Variants in PLA2G4E observed in about 807,000 individuals in gnomAD.
The protein encoded by PLA2G4E is phospholipase A2 group IVE.
Under a neutral mutation model 109.1 loss-of-function variants are expected in PLA2G4E, and 84 were observed. The ratio of observed to expected loss-of-function variants is 0.77; its 90% CI spans 0.65 to 0.92. PLA2G4E has a LOEUF of 0.92. PLA2G4E is among the 40% of genes least tolerant of loss of function. PLA2G4E has a pLI of 0.00. For missense variants in PLA2G4E, 1,057 were observed against 1,076.6 expected (o/e 0.98, Z 0.25); for synonymous variants, 469 against 436.1 (o/e 1.08, Z -0.94).
intron 1 of PLA2G4E, among the ~76,000 whole-genome samples, chr15:42,040,796 T>C (rs1468985389): frequency 6.6e-6 from 1 of 152,200 alleles, no homozygotes; most frequent in Non-Finnish European, 1.5e-5. Flanking sequence ...AAAAATAGTA[T>C]TGTTGCCTGG....
chr15:42,031,881 T>C (rs1205012804), intron 1 of PLA2G4E, among the ~76,000 whole-genome samples: 2 of 152,228 alleles, frequency 1.3e-5, no homozygotes, highest in Non-Finnish European at 2.9e-5. Flanking sequence ...TTTGGATGTT[T>C]GTCTCCTCCA....
At chr15:42,026,828 C>T (rs556138706) in intron 1 of PLA2G4E, among the ~76,000 whole-genome samples, 1 of 152,084 alleles carries the variant, frequency 6.6e-6, no homozygotes, top group Admixed American at 6.6e-5. Context: ...CAAAAATTAG[C>T]TGGGCGTGGT....
In PLA2G4E at chr15:42,048,679, G is replaced by A. The variant is rs77369050; in HGVS notation, c.183+1842C>T. ...CCGCATTGCTCCAACTTCATATGCC[G>A]CAGGCACTGTGCTAAACATGTTGTT... On this transcript the variant is annotated intron_variant, in intron 1 of 19. Transcript: ENST00000399518. Among the ~76,000 whole-genome samples the A allele has an allele frequency of 2.1e-4, 32 of 152,258 alleles. No homozygotes were observed. In the East Asian group the frequency reaches 5.6e-3, roughly 27 times the overall value.
exon 5 of PLA2G4E, chr15:42,004,944 T>C: frequency 6.2e-7 from 1 of 1,613,188 alleles, no homozygotes; most frequent in Non-Finnish European, 8.5e-7. Context: ...TCACCTCTCC[T>C]CCAGCAGGAA....
chr15:42,002,520 A>G, intron 6 of PLA2G4E, 134 bp downstream of exon 6: 1 of 1,008,148 alleles, frequency 9.9e-7, no homozygotes, highest in Non-Finnish European at 1.5e-6. Context: ...GGCCTCGTTT[A>G]GTCTAACTCC....
intron 1 of PLA2G4E, among the ~76,000 whole-genome samples, chr15:42,039,351 A>G (rs1052925151): frequency 1.2e-4 from 18 of 152,228 alleles, no homozygotes; most frequent in African/African-American, 4.1e-4. Flanking sequence ...AAATAATTGC[A>G]TATTTCTATG....
At chr15:42,019,884 A>G (rs1343421711) in intron 1 of PLA2G4E, among the ~76,000 whole-genome samples, 3 of 152,224 alleles carry the variant, frequency 2.0e-5, no homozygotes, top group Non-Finnish European at 4.4e-5. Flanking sequence ...CTGAAGCCAC[A>G]TTTGGGGTCC....
At chr15:42,044,334 G>A (rs962030624) in intron 1 of PLA2G4E, among the ~76,000 whole-genome samples, 2 of 152,036 alleles carry the variant, frequency 1.3e-5, no homozygotes, top group South Asian at 2.1e-4. Context: ...TGCGGGCTGT[G>A]GGGAGAGTCC....
exon 9 of PLA2G4E, chr15:41,999,985 G>C: frequency 1.2e-6 from 2 of 1,609,066 alleles, no homozygotes; most frequent in Non-Finnish European, 1.7e-6. Context: ...CCCTTCTTGC[G>C]AGAGCGGCAG....
At chr15:42,023,013 A>G (rs1049887844) in intron 1 of PLA2G4E, among the ~76,000 whole-genome samples, 6 of 152,034 alleles carry the variant, frequency 3.9e-5, no homozygotes, top group Non-Finnish European at 5.9e-5. Flanking sequence ...GGAGGAAGAG[A>G]GAGGCATCCT....
chr15:42,023,717 C>A (rs887816028), intron 1 of PLA2G4E, among the ~76,000 whole-genome samples: 1 of 151,988 alleles, frequency 6.6e-6, no homozygotes, highest in Non-Finnish European at 1.5e-5. Flanking sequence ...GCCCCAAACA[C>A]CAGGGCATTC....
intron 1 of PLA2G4E, among the ~76,000 whole-genome samples, chr15:42,028,938 G>A (rs1263422117): frequency 6.6e-6 from 1 of 151,998 alleles, no homozygotes; most frequent in Non-Finnish European, 1.5e-5. Flanking sequence ...ATTTCATGAT[G>A]ACAAGATAAC....
intron 1 of PLA2G4E, among the ~76,000 whole-genome samples, 185 bp downstream of exon 1, chr15:42,020,750 A>G (rs920885525): frequency 1.3e-5 from 2 of 152,128 alleles, no homozygotes; most frequent in African/African-American, 4.8e-5. Context: ...CAACTGGGAT[A>G]AACCACCTCC....
chr15:42,022,194 C>A (rs1440101525), intron 1 of PLA2G4E, among the ~76,000 whole-genome samples: 2 of 152,198 alleles, frequency 1.3e-5, no homozygotes, highest in Admixed American at 1.3e-4. Context: ...ATGCATCCAA[C>A]CCCTCAGAGG....
intron 1 of PLA2G4E, among the ~76,000 whole-genome samples, chr15:42,020,212 A>G (rs1333146586): frequency 2.6e-5 from 4 of 152,244 alleles, no homozygotes; most frequent in African/African-American, 7.2e-5. Flanking sequence ...ATGTCATTCA[A>G]TGATTTAACT....
At position 42,024,058 on chromosome 15, in the gene PLA2G4E, T is replaced by C. The variant is rs564869691; in HGVS notation, c.184-10301A>G. ...GGGTCTGGAATAAAACAACCAAGAA[T>C]GTAAAATCTAGAAAGGGGAGGAAAG... On this transcript the variant is annotated intron_variant, in intron 1 of 19. Coordinates refer to ENST00000399518, the Ensembl canonical transcript of PLA2G4E. Among the ~76,000 whole-genome samples, 4 of 152,048 alleles carry C rather than the reference T, an allele frequency of 2.6e-5. No individual in the cohort carries two copies. The South Asian group carries it at 8.3e-4, about 32-fold the overall frequency.
chr15:41,983,821 GT>G lies in PLA2G4E; in HGVS notation c.2539del (p.Thr847LeufsTer16). On this transcript the variant is annotated frameshift_variant, in exon 20 of 20. Coordinates refer to ENST00000399518, the Ensembl canonical transcript of PLA2G4E. LOFTEE classifies it high-confidence loss of function. ...TGCGAGCCGCAGAGCCTGGAGGAGA[GT>G]GTCCTTATTATTCAGGATGTTATAC... The G allele has an allele frequency of 6.2e-7, 1 of 1,611,206 alleles. No individual in the cohort carries two copies. The highest frequency in any genetic ancestry group is 8.5e-7 in the Non-Finnish European group (1 of 1,178,720).
intron 2 of PLA2G4E, among the ~76,000 whole-genome samples, chr15:42,012,133 C>G (rs2068542633): frequency 6.6e-6 from 1 of 152,214 alleles, no homozygotes; most frequent in Non-Finnish European, 1.5e-5. Context: ...TTTGCTGTCT[C>G]TGGGGCTCAG....
At position 41,997,271 on chromosome 15, in the gene PLA2G4E, G is replaced by A. The variant is rs2068358031; in HGVS notation, c.975-12C>T. On this transcript the variant is annotated splice_polypyrimidine_tract_variant and intron_variant, in intron 10 of 19. Coordinates refer to ENST00000399518, the Ensembl canonical transcript of PLA2G4E. Reference sequence around the variant, plus strand: ...CCAGTGTCTCAGGGCTGGAGGGAGAGAGGACCCTGTATTGGGCCTGCAGCC... The same window carrying A: ...CCAGTGTCTCAGGGCTGGAGGGAGAAAGGACCCTGTATTGGGCCTGCAGCC... 1.3e-6 allele frequency: 2 copies of A among 1,537,736 alleles called. No individual in the cohort carries two copies. Among genetic ancestry groups the A allele is most frequent in the South Asian group, 2.4e-5 (2 of 82,372 alleles).
Sources: allele counts gnomAD v4.1 joint callset (sites outside exome capture counted in the v4.1 genomes callset), GRCh38; gene constraint gnomAD v4.1.1; transcripts MANE v1.5; gene names NCBI Gene and HGNC (gene_info 2026-07-23, HGNC 2026-07-21).